Variants in NEGR1 observed in about 807,000 individuals in gnomAD.
NEGR1 encodes IgLON family member 4.
NEGR1 carries 10 observed loss-of-function variants against 40.9 expected under a neutral mutation model. That is an observed-to-expected ratio of 0.24 (90% CI 0.15 to 0.42). The LOEUF is 0.42. Ranked by LOEUF, NEGR1 falls within the 10% of genes least tolerant of loss-of-function variation. The pLI, the probability that NEGR1 is intolerant of heterozygous loss-of-function variation, is 1.00. For missense variants in NEGR1, 352 were observed against 438.9 expected (o/e 0.80, Z 1.77); for synonymous variants, 185 against 166.8 (o/e 1.11, Z -0.84).
chr1:72,140,303 C>T (rs1650624730), intron 1 of NEGR1, among the ~76,000 whole-genome samples: 1 of 151,700 alleles, frequency 6.6e-6, no homozygotes, highest in Admixed American at 6.6e-5. Flanking sequence ...GACGGTATAA[C>T]AGAATATCTA....
In NEGR1 at chr1:72,065,470, T is replaced by C. The variant is rs528268012; in HGVS notation, c.177-130159A>G. Among the ~76,000 whole-genome samples, 7 of 152,130 alleles carry C rather than the reference T, an allele frequency of 4.6e-5. 1 individual carries two copies. The East Asian group carries it at 5.8e-4, about 13-fold the overall frequency. On this transcript the variant is annotated intron_variant, in intron 1 of 6. Transcript: ENST00000357731. The stretch of plus-strand genomic sequence containing the variant: ...GCTAACTGTCTGCCCAAATTTGAAA[T>C]AGACAAACAAACAAACAAATAAAAT...
chr1:72,070,166 A>C (rs990673312), intron 1 of NEGR1, among the ~76,000 whole-genome samples: 2 of 152,104 alleles, frequency 1.3e-5, no homozygotes, highest in African/African-American at 4.8e-5. Flanking sequence ...ATATAAACTG[A>C]AAGCTGATCC....
chr1:71,421,126 A>G (rs554277848), intron 6 of NEGR1, among the ~76,000 whole-genome samples: 1 of 152,162 alleles, frequency 6.6e-6, no homozygotes, highest in East Asian at 1.9e-4. Flanking sequence ...ATACGTATTG[A>G]TCAAATATTA....
chr1:71,598,032 A>T (rs889216799), intron 5 of NEGR1, among the ~76,000 whole-genome samples: 2 of 152,216 alleles, frequency 1.3e-5, no homozygotes, highest in East Asian at 1.9e-4. Flanking sequence ...TCTTCACAGC[A>T]ATCCTAGGAG....
At chr1:72,063,842 T>A (rs1336276883) in intron 1 of NEGR1, among the ~76,000 whole-genome samples, 1 of 151,576 alleles carries the variant, frequency 6.6e-6, no homozygotes. Context: ...TTGATCACAA[T>A]GGCTATGTGC....
At chr1:71,787,733 C>T (rs1352423265) in intron 2 of NEGR1, among the ~76,000 whole-genome samples, 2 of 152,254 alleles carry the variant, frequency 1.3e-5, no homozygotes, top group African/African-American at 2.4e-5. Context: ...AGAGTGCCTG[C>T]AGATTTGTGT....
intron 2 of NEGR1, among the ~76,000 whole-genome samples, chr1:71,779,810 C>T (rs1359305147): frequency 6.6e-6 from 1 of 152,046 alleles, no homozygotes; most frequent in Non-Finnish European, 1.5e-5. Context: ...TTCAGGTGAT[C>T]TACCTGCCTC....
chr1:71,474,735 A>C (rs1245841219), intron 6 of NEGR1, among the ~76,000 whole-genome samples: 6 of 148,392 alleles, frequency 4.0e-5, no homozygotes, highest in East Asian at 2.0e-4. Flanking sequence ...AAAAAAAAAA[A>C]AAACAAAAAA....
chr1:71,542,746 G>A (rs562279497), intron 6 of NEGR1, among the ~76,000 whole-genome samples: 2 of 151,732 alleles, frequency 1.3e-5, no homozygotes, highest in South Asian at 2.1e-4. Context: ...AATATGCCAG[G>A]GCAGGTGGTA....
At chr1:71,548,314 A>G (rs1344084566) in intron 6 of NEGR1, among the ~76,000 whole-genome samples, 5 of 151,658 alleles carry the variant, frequency 3.3e-5, no homozygotes, top group Non-Finnish European at 7.4e-5. Flanking sequence ...AGCTGGTAAC[A>G]TTTCTGCTGC....
chr1:71,560,929 G>T (rs1318401199), intron 6 of NEGR1, among the ~76,000 whole-genome samples: 3 of 151,490 alleles, frequency 2.0e-5, no homozygotes, highest in African/African-American at 7.3e-5. Context: ...AGGTAGAACT[G>T]GGTTTGAATC....
chr1:71,898,171 C>A (rs1570476348), intron 2 of NEGR1, among the ~76,000 whole-genome samples: 2 of 152,262 alleles, frequency 1.3e-5, no homozygotes, highest in South Asian at 4.1e-4. Flanking sequence ...TGAAGTCAGT[C>A]TGGTAGGTAT....
intron 1 of NEGR1, among the ~76,000 whole-genome samples, chr1:72,118,206 C>A (rs1649654887): frequency 6.6e-6 from 1 of 151,776 alleles, no homozygotes; most frequent in African/African-American, 2.4e-5. Context: ...TGAAATACCC[C>A]TTATTAGGTG....
chr1:72,184,948 T>C (rs1472529767), intron 1 of NEGR1, among the ~76,000 whole-genome samples: 1 of 152,024 alleles, frequency 6.6e-6, no homozygotes, highest in Non-Finnish European at 1.5e-5. Context: ...TCTCAACAAA[T>C]GTTAGCTATT....
At chr1:71,937,771 T>A (rs1057217223) in intron 1 of NEGR1, among the ~76,000 whole-genome samples, 2 of 152,196 alleles carry the variant, frequency 1.3e-5, no homozygotes, top group Admixed American at 6.5e-5. Context: ...GCTTAACCTG[T>A]CCTAGTATAA....
intron 2 of NEGR1, among the ~76,000 whole-genome samples, chr1:71,881,961 T>C (rs1389273403): frequency 6.6e-6 from 1 of 152,114 alleles, no homozygotes; most frequent in African/African-American, 2.4e-5. Context: ...GAAATACATT[T>C]CAGCTGCAGA....
chr1:71,444,872 A>G (rs1383550726), intron 6 of NEGR1, among the ~76,000 whole-genome samples: 2 of 152,186 alleles, frequency 1.3e-5, no homozygotes, highest in African/African-American at 2.4e-5. Flanking sequence ...ATTCTAACAC[A>G]ATAATATTCT....
chr1:72,263,437 T>A (rs1413146659), intron 1 of NEGR1, among the ~76,000 whole-genome samples: 1 of 151,524 alleles, frequency 6.6e-6, no homozygotes, highest in Non-Finnish European at 1.5e-5. Context: ...CCATTAGCAG[T>A]CCCCAAGAAA....
chr1:71,558,484 A>G (rs571289227), intron 6 of NEGR1, among the ~76,000 whole-genome samples: 1 of 151,640 alleles, frequency 6.6e-6, no homozygotes, highest in East Asian at 1.9e-4. Flanking sequence ...TTTAATTGGA[A>G]TTCTTCTGGA....
Sources: gnomAD v4.1 joint callset for allele counts (sites outside exome capture counted in the v4.1 genomes callset) on GRCh38, gnomAD v4.1.1 for gene constraint, MANE v1.5 for transcripts, NCBI Gene and HGNC (gene_info 2026-07-23, HGNC 2026-07-21) for gene names.